Variants in GJC2 observed in about 807,000 individuals in gnomAD.
GJC2 encodes the protein gap junction protein gamma 2.
For missense variants in GJC2, 647 were observed against 648.9 expected (o/e 1.00, Z 0.03); for synonymous variants, 336 against 307.5 (o/e 1.09, Z -0.97).
intron 1 of GJC2, among the ~76,000 whole-genome samples, chr1:228,153,400 AAAAG>A (rs1239514156): frequency 1.3e-5 from 2 of 151,502 alleles, no homozygotes; most frequent in African/African-American, 4.9e-5. Flanking sequence ...AAAAAAAAAA[AAAAG>A]TAAATAGGGT....
At position 228,158,735 on chromosome 1, in the gene GJC2, G is replaced by A; in HGVS notation, c.977G>A (p.Gly326Asp). The A allele has an allele frequency of 1.5e-6, 2 of 1,358,266 alleles. No homozygotes were observed. Among genetic ancestry groups the A allele is most frequent in the East Asian group, 3.9e-5 (1 of 25,498 alleles). The allele number at this position is 1,358,266 out of a possible 1,614,324, so 84.1% of individuals were successfully genotyped here. A position where few individuals can be genotyped will look rare whatever the true frequency, so the allele number is the denominator to read the frequency against. The change falls in exon 2 of 2, where the codon GGC becomes GAC. Residue 326 changes from glycine (G) to aspartate (D), a missense_variant. Transcript: ENST00000366714. This position sits in a 1 kb window ranked among gnomAD's most constrained non-coding sequence, Gnocchi z 8.3. ...PPCAFPAAAA[G>D]LACPPDYSLV... The stretch of plus-strand genomic sequence containing the variant: ...TGCGCCTTCCCTGCGGCGGCCGCTG[G>A]CTTGGCCTGCCCGCCCGACTACAGC...
rs532464162 is a variant in GJC2 at position 228,151,253 on chromosome 1, T to C, written c.-20+1246T>C. Among the ~76,000 whole-genome samples, 1 of 152,224 alleles carries C rather than the reference T, an allele frequency of 6.6e-6. No homozygotes were observed. Among genetic ancestry groups the C allele is most frequent in the East Asian group, 1.9e-4 (1 of 5,158 alleles). On this transcript the variant is annotated intron_variant, in intron 1 of 1. Coordinates refer to ENST00000366714, the MANE Select transcript of GJC2 (RefSeq NM_020435.4). The surrounding 1 kb of genome is among the most constrained non-coding windows in gnomAD (Gnocchi z 5.4). The stretch of plus-strand genomic sequence containing the variant: ...ACGTGTGCACGGCCCTGGCAAGGCC[T>C]GGGGATCCCACAGACTCATACCTCC...
chr1:228,151,303 C>T lies in GJC2; in HGVS notation c.-20+1296C>T, dbSNP rs1306552343. Among the ~76,000 whole-genome samples, 1 of 152,180 alleles carries T rather than the reference C, an allele frequency of 6.6e-6. No homozygotes were observed. Among genetic ancestry groups the T allele is most frequent in the Non-Finnish European group, 1.5e-5 (1 of 68,028 alleles). ...CACACCACGCTCCTCAGTGTCCCCT[C>T]ACTCCCCTGACATTCCTGAGCGCCA... On this transcript the variant is annotated intron_variant, in intron 1 of 1. Transcript: ENST00000366714. This position sits in a 1 kb window ranked among gnomAD's most constrained non-coding sequence, Gnocchi z 5.4.
chr1:228,157,933 C>T lies in GJC2; in HGVS notation c.175C>T (p.Arg59Trp). Residue 59 changes from arginine (R) to tryptophan (W), a missense_variant, in exon 2 of 2, where the codon CGG (arginine) becomes TGG (tryptophan). Physicochemically the swap from Arg to Trp is moderately radical, Grantham distance 101. Transcript: ENST00000366714. ...DEQAKFTCNT[R>W]QPGCDNVCYD... ...GCAGGCCAAGTTCACTTGCAACACG[C>T]GGCAGCCAGGCTGCGACAACGTCTG... The T allele has an allele frequency of 1.4e-5, 22 of 1,612,752 alleles. No individual in the cohort carries two copies. Among genetic ancestry groups the T allele is most frequent in the Non-Finnish European group, 1.9e-5 (22 of 1,179,862 alleles).
chr1:228,151,618 C>T lies in GJC2; in HGVS notation c.-20+1611C>T, dbSNP rs1401777631. Among the ~76,000 whole-genome samples, 4 of 152,132 alleles carry T rather than the reference C, an allele frequency of 2.6e-5. No individual in the cohort carries two copies. The East Asian group carries it at 7.7e-4, about 29-fold the overall frequency. On this transcript the variant is annotated intron_variant, in intron 1 of 1. Transcript: ENST00000366714. This position sits in a 1 kb window ranked among gnomAD's most constrained non-coding sequence, Gnocchi z 5.4. ...GTGTGTGGGGGGGTGGAGGGAGGAGCGTGCCCTGTGTGTACATGTGAAGGA... is the reference window on the plus strand; with the variant it reads ...GTGTGTGGGGGGGTGGAGGGAGGAGTGTGCCCTGTGTGTACATGTGAAGGA...
In GJC2 at chr1:228,158,085, G is replaced by A; in HGVS notation, c.327G>A (p.Glu109=). The A allele has an allele frequency of 1.9e-6, 3 of 1,559,082 alleles. No individual in the cohort carries two copies. Among genetic ancestry groups the A allele is most frequent in the Non-Finnish European group, 2.6e-6 (3 of 1,155,276 alleles). Residue 109 remains glutamate, a synonymous_variant, in exon 2 of 2, where the codon GAG becomes GAA. Coordinates refer to ENST00000366714, the MANE Select transcript of GJC2 (RefSeq NM_020435.4). The surrounding 1 kb of genome is among the most constrained non-coding windows in gnomAD (Gnocchi z 8.3). ...GCCTGGCCCGTGCGTCTGAGCAGGA[G>A]CGGCGCCGCGCCCTCCGCCGCCGCC... The part of the protein sequence containing the change: ...VHRLARASEQ[E]RRRALRRRPG...
chr1:228,156,145 C>T (rs1392964817), intron 1 of GJC2, among the ~76,000 whole-genome samples: 5 of 152,186 alleles, frequency 3.3e-5, no homozygotes, highest in African/African-American at 1.2e-4. Context: ...TGCCTGATCA[C>T]ACGTGTGTGT....
At chr1:228,153,576 CTTTTCT>C (rs1380851874) in intron 1 of GJC2, among the ~76,000 whole-genome samples, 9 of 124,212 alleles carry the variant, frequency 7.2e-5, no homozygotes, top group South Asian at 5.6e-4. Flanking sequence ...CCCCATTTCT[CTTTTCT>C]TTTTTTTTTT....
At position 228,150,214 on chromosome 1, in the gene GJC2, C is replaced by T. The variant is rs1022405898; in HGVS notation, c.-20+207C>T. Among the ~76,000 whole-genome samples, 18 of 152,178 alleles carry T rather than the reference C, an allele frequency of 1.2e-4. No individual in the cohort carries two copies. The highest frequency in any genetic ancestry group is 2.1e-4 in the Non-Finnish European group (14 of 68,016). On this transcript the variant is annotated intron_variant, in intron 1 of 1. Coordinates refer to ENST00000366714, the MANE Select transcript of GJC2 (RefSeq NM_020435.4). This position sits in a 1 kb window ranked among gnomAD's most constrained non-coding sequence, Gnocchi z 4.6. ...AGATGGTGGGGTGGCCCCCCCACTC[C>T]ATGTCTGTGTCCTTCAGGCCCAGCT...
rs2034739397 is a variant in GJC2, at chr1:228,159,252, G to A, written c.*174G>A. On this transcript the variant is annotated 3_prime_UTR_variant, in exon 2 of 2. Coordinates refer to ENST00000366714, the MANE Select transcript of GJC2 (RefSeq NM_020435.4). The surrounding 1 kb of genome is among the most constrained non-coding windows in gnomAD (Gnocchi z 4.0). Reference sequence around the variant, plus strand: ...CTGAAAGCGGCAGAGGAGTGCCCTGGCTTGGTCACCACTGGGGCCAAGGTG... The same window carrying A: ...CTGAAAGCGGCAGAGGAGTGCCCTGACTTGGTCACCACTGGGGCCAAGGTG... 2.6e-6 allele frequency: 2 copies of A among 755,004 alleles called. No homozygotes were observed. The highest frequency in any genetic ancestry group is 1.8e-5 in the African/African-American group (1 of 55,666). The allele number at this position is 755,004 out of a possible 1,614,324, so 46.8% of individuals were successfully genotyped here.
chr1:228,153,090 C>T (rs1368112909), intron 1 of GJC2, among the ~76,000 whole-genome samples: 2 of 152,012 alleles, frequency 1.3e-5, no homozygotes, highest in Admixed American at 6.5e-5. Context: ...GGCCAGCACC[C>T]CTCCCCTCTC....
Position 228,158,836 on chromosome 1 carries a change from G to T in GJC2, c.1078G>T (p.Asp360Tyr). The change falls in exon 2 of 2, where the codon GAC becomes TAC. Residue 360 changes from aspartate (D) to tyrosine (Y), a missense_variant. By Grantham distance (160) the Asp-to-Tyr change is radical. Coordinates refer to ENST00000366714, the MANE Select transcript of GJC2 (RefSeq NM_020435.4). The surrounding 1 kb of genome is among the most constrained non-coding windows in gnomAD (Gnocchi z 8.3). The stretch of plus-strand genomic sequence containing the variant: ...AAACCTGGCCCTGCAGGCGCTGCGC[G>T]ACGGGGCAGCGGCTGGGGACCGCGA... ...LANLALQALR[D>Y]GAAAGDRDRD... The T allele has an allele frequency of 6.8e-7, 1 of 1,466,120 alleles. No individual in the cohort carries two copies. The highest frequency in any genetic ancestry group is 9.0e-7 in the Non-Finnish European group (1 of 1,113,558). The allele number at this position is 1,466,120 out of a possible 1,614,324, so 90.8% of individuals were successfully genotyped here.
chr1:228,155,712 A>T (rs1196603845), intron 1 of GJC2, among the ~76,000 whole-genome samples: 2 of 150,160 alleles, frequency 1.3e-5, no homozygotes, highest in Admixed American at 6.6e-5. Context: ...AGGCCCCCAG[A>T]GCTAAGTGCC....
In GJC2 at chr1:228,150,993, G is replaced by A. The variant is rs2034610915; in HGVS notation, c.-20+986G>A. Among the ~76,000 whole-genome samples the A allele has an allele frequency of 6.6e-6, 1 of 151,890 alleles. No individual in the cohort carries two copies. Among genetic ancestry groups the A allele is most frequent in the African/African-American group, 2.4e-5 (1 of 41,334 alleles). On this transcript the variant is annotated intron_variant, in intron 1 of 1. Transcript: ENST00000366714. The surrounding 1 kb of genome is among the most constrained non-coding windows in gnomAD (Gnocchi z 4.6). ...CCTGGGGAGCTGCCCAGGCTTCAGC[G>A]ATGACACACTCCCAGCCTGACCCAG...
chr1:228,153,093 C>T (rs1288067641), intron 1 of GJC2, among the ~76,000 whole-genome samples: 1 of 152,112 alleles, frequency 6.6e-6, no homozygotes, highest in African/African-American at 2.4e-5. Context: ...CAGCACCCCT[C>T]CCCTCTCCTC....
In GJC2 at chr1:228,158,402, C is replaced by T. The variant is rs1461589558; in HGVS notation, c.644C>T (p.Ala215Val). Residue 215 changes from alanine to valine, a missense_variant, in exon 2 of 2, where the codon GCC (alanine) becomes GTC (valine). By Grantham distance (64) the Ala-to-Val change is moderately conservative. Transcript: ENST00000366714. The surrounding 1 kb of genome is among the most constrained non-coding windows in gnomAD (Gnocchi z 8.3). ...GAGGGCCTGATGCGCGTGTACGTGGCCCAGCTGGTGGCCAGGGCAGCTTTC... is the reference window on the plus strand; with the variant it reads ...GAGGGCCTGATGCGCGTGTACGTGGTCCAGCTGGTGGCCAGGGCAGCTTTC... Reference protein sequence around the residue: ...QREGLMRVYVAQLVARAAFEV... With the variant: ...QREGLMRVYVVQLVARAAFEV... The T allele has an allele frequency of 1.2e-5, 19 of 1,605,732 alleles. No homozygotes were observed. Among genetic ancestry groups the T allele is most frequent in the Non-Finnish European group, 1.6e-5 (19 of 1,179,392 alleles).
rs1571908775 is a variant in GJC2 at position 228,159,257 on chromosome 1, G to A, written c.*179G>A. The A allele has an allele frequency of 1.4e-6, 1 of 719,308 alleles. No individual in the cohort carries two copies. Among genetic ancestry groups the A allele is most frequent in the Middle Eastern group, 4.1e-4 (1 of 2,456 alleles). 44.6% of individuals were successfully genotyped at this position (719,308 alleles called of 1,614,324 possible). A position where few individuals can be genotyped will look rare whatever the true frequency, so the allele number is the denominator to read the frequency against. ...AGCGGCAGAGGAGTGCCCTGGCTTGGTCACCACTGGGGCCAAGGTGGGGTG... is the reference window on the plus strand; with the variant it reads ...AGCGGCAGAGGAGTGCCCTGGCTTGATCACCACTGGGGCCAAGGTGGGGTG... On this transcript the variant is annotated 3_prime_UTR_variant, in exon 2 of 2. Coordinates refer to ENST00000366714, the MANE Select transcript of GJC2 (RefSeq NM_020435.4). The surrounding 1 kb of genome is among the most constrained non-coding windows in gnomAD (Gnocchi z 4.0).
intron 1 of GJC2, among the ~76,000 whole-genome samples, chr1:228,156,609 G>A (rs921402693): frequency 1.3e-5 from 2 of 152,222 alleles, no homozygotes; most frequent in East Asian, 1.9e-4. Context: ...GCATAAAGAG[G>A]CCGGGAGCCT....
In GJC2 at chr1:228,157,901, CG is replaced by C; in HGVS notation, c.145del (p.Asp49ThrfsTer161). The C allele has an allele frequency of 1.2e-6, 2 of 1,612,598 alleles. No homozygotes were observed. Among genetic ancestry groups the C allele is most frequent in the Non-Finnish European group, 1.7e-6 (2 of 1,179,822 alleles). ...LTAVGGEAIY[S>X]DEQAKFTCNT... is the part of the protein sequence containing the mutation. The stretch of plus-strand genomic sequence containing the variant: ...GCTGTGGGCGGCGAGGCCATCTACT[CG>C]GACGAGCAGGCCAAGTTCACTTGCA... On this transcript the variant is annotated frameshift_variant, in exon 2 of 2. Transcript: ENST00000366714. LOFTEE classifies it low-confidence loss of function (END_TRUNC).
Sources: gnomAD v4.1 joint callset for allele counts (sites outside exome capture counted in the v4.1 genomes callset) on GRCh38, gnomAD v4.1.1 for gene constraint, Gnocchi (gnomAD v3.1) non-coding constraint, MANE v1.5 for transcripts, NCBI Gene and HGNC (gene_info 2026-07-23, HGNC 2026-07-21) for gene names.